APBB1IP: variants seen among roughly 807,000 people sequenced by gnomAD.
APBB1IP encodes the protein amyloid beta A4 precursor protein-binding family B member 1-interacting protein.
APBB1IP carries 27 observed loss-of-function variants against 64.9 expected under a neutral mutation model. The ratio of observed to expected loss-of-function variants is 0.42; its 90% CI spans 0.31 to 0.57. The LOEUF (loss-of-function observed/expected upper bound fraction) is 0.57, where lower values mean the gene tolerates loss of function less well. APBB1IP is among the 20% of genes least tolerant of loss of function. The probability of loss-of-function intolerance (pLI) is 0.20; values close to 1 mark genes in which losing one functional copy is unlikely to be tolerated. For synonymous variants in APBB1IP, 392 were observed against 331.0 expected, an observed-to-expected ratio of 1.18 and a Z score of -2.00; for missense variants, 812 against 845.5, an observed-to-expected ratio of 0.96 and a Z score of 0.49.
At chr10:26,468,927 T>A (rs1036869021) in intron 2 of APBB1IP, among the ~76,000 whole-genome samples, 13 of 152,166 alleles carry the variant, frequency 8.5e-5, no homozygotes, top group African/African-American at 3.1e-4. Context: ...CTCCTGGGGT[T>A]ACCTGGATTT....
At chr10:26,516,270 G>C (rs1420684693) in intron 8 of APBB1IP, among the ~76,000 whole-genome samples, 1 of 151,954 alleles carries the variant, frequency 6.6e-6, no homozygotes, top group Non-Finnish European at 1.5e-5. Context: ...TATTTAAAGG[G>C]GATGCCAGGC....
intron 10 of APBB1IP, among the ~76,000 whole-genome samples, chr10:26,540,134 A>C (rs1836679394): frequency 6.6e-6 from 1 of 152,242 alleles, no homozygotes; most frequent in African/African-American, 2.4e-5. Context: ...TTTTTGTAAT[A>C]GCTAAATATT....
chr10:26,534,688 C>G (rs546955168), intron 9 of APBB1IP, among the ~76,000 whole-genome samples: 7 of 152,198 alleles, frequency 4.6e-5, no homozygotes, highest in Non-Finnish European at 7.3e-5. Context: ...TGCCACCCCC[C>G]AGATGCTGAG....
intron 5 of APBB1IP, chr10:26,501,415 T>C: frequency 3.7e-6 from 2 of 537,986 alleles, no homozygotes; most frequent in Non-Finnish European, 6.6e-6. Flanking sequence ...TAACATCATA[T>C]TGAAATGTGG....
chr10:26,464,055 A>G (rs1469341520), intron 2 of APBB1IP, among the ~76,000 whole-genome samples: 1 of 151,986 alleles, frequency 6.6e-6, no homozygotes, highest in Non-Finnish European at 1.5e-5. Flanking sequence ...GCTGACCTGG[A>G]GCTTGGGTGT....
At chr10:26,512,675 C>T (rs1315592986) in intron 7 of APBB1IP, among the ~76,000 whole-genome samples, 8 of 152,084 alleles carry the variant, frequency 5.3e-5, no homozygotes, top group Admixed American at 1.3e-4. Context: ...GGCGCAATCA[C>T]GGGTCACTGC....
chr10:26,539,429 GAA>G (rs1185583174), intron 10 of APBB1IP, among the ~76,000 whole-genome samples: 5 of 145,116 alleles, frequency 3.4e-5, no homozygotes, highest in African/African-American at 1.3e-4. Context: ...AAGAAGGAAA[GAA>G]AGAGAGAGAG....
intron 6 of APBB1IP, among the ~76,000 whole-genome samples, chr10:26,508,628 T>G (rs1836214338): frequency 6.6e-6 from 1 of 151,872 alleles, no homozygotes. Flanking sequence ...CACATAACTG[T>G]GATTTAATGT....
At chr10:26,516,056 ACAAAGGGAAT>A (rs2132449120) in intron 8 of APBB1IP, among the ~76,000 whole-genome samples, 1 of 152,310 alleles carries the variant, frequency 6.6e-6, no homozygotes, top group South Asian at 2.1e-4. Flanking sequence ...AAATGACAGA[ACAAAGGGAAT>A]CTGGCTAGGG....
intron 13 of APBB1IP, among the ~76,000 whole-genome samples, chr10:26,561,761 GA>G (rs1258171019): frequency 2.0e-5 from 3 of 152,172 alleles, no homozygotes; most frequent in South Asian, 2.1e-4. Context: ...CTTTTGGGGG[GA>G]AAAACCACAT....
At chr10:26,467,204 C>G (rs979019808) in intron 2 of APBB1IP, among the ~76,000 whole-genome samples, 1 of 152,064 alleles carries the variant, frequency 6.6e-6, no homozygotes, top group African/African-American at 2.4e-5. Context: ...CCGTGCCCAG[C>G]CTTCTAATGC....
At chr10:26,509,076 A>G (rs1373713558) in intron 6 of APBB1IP, among the ~76,000 whole-genome samples, 1 of 152,204 alleles carries the variant, frequency 6.6e-6, no homozygotes, top group African/African-American at 2.4e-5. Context: ...AGAGAGCAGC[A>G]AGTACACCTT....
intron 8 of APBB1IP, among the ~76,000 whole-genome samples, chr10:26,522,058 T>G (rs531175035): frequency 1.3e-5 from 2 of 152,314 alleles, no homozygotes; most frequent in African/African-American, 4.8e-5. Context: ...GCCTACAAGT[T>G]TAAATAGATA....
chr10:26,509,813 G>A (rs1056719593), intron 6 of APBB1IP: 8 of 152,156 alleles, frequency 5.3e-5, no homozygotes, highest in Non-Finnish European at 1.0e-4. Flanking sequence ...GAGTCTTATC[G>A]TTGAATAACC....
intron 2 of APBB1IP, among the ~76,000 whole-genome samples, chr10:26,465,034 A>G (rs1317500514): frequency 6.6e-6 from 1 of 152,238 alleles, no homozygotes; most frequent in Non-Finnish European, 1.5e-5. Flanking sequence ...TTGCAAAGAC[A>G]TTATTTCCAT....
At chr10:26,470,831 T>A (rs1451811050) in intron 2 of APBB1IP, among the ~76,000 whole-genome samples, 2 of 151,872 alleles carry the variant, frequency 1.3e-5, no homozygotes, top group Non-Finnish European at 2.9e-5. Context: ...TTGCCCATCA[T>A]CTCTCACCAA....
chr10:26,458,432 A>T (rs190295345), intron 2 of APBB1IP, among the ~76,000 whole-genome samples: 20 of 149,976 alleles, frequency 1.3e-4, no homozygotes, highest in African/African-American at 4.9e-4. Context: ...GAAGGAAGGG[A>T]GGGAGGGATG....
intron 2 of APBB1IP, among the ~76,000 whole-genome samples, chr10:26,484,560 C>A (rs1835870735): frequency 6.6e-6 from 1 of 152,192 alleles, no homozygotes; most frequent in African/African-American, 2.4e-5. Context: ...CTGCCTCGGC[C>A]TCACAAAGTG....
intron 10 of APBB1IP, among the ~76,000 whole-genome samples, chr10:26,540,859 T>C (rs763327740): frequency 3.9e-5 from 6 of 151,986 alleles, no homozygotes; most frequent in Non-Finnish European, 7.4e-5. Flanking sequence ...ATCCTTTTTC[T>C]CAGGAGGAAG....
Sources: allele counts gnomAD v4.1 joint callset (sites outside exome capture counted in the v4.1 genomes callset), GRCh38; gene constraint gnomAD v4.1.1; transcripts MANE v1.5; gene names NCBI Gene and HGNC (gene_info 2026-07-23, HGNC 2026-07-21).